The following KCNMA1 variants were observed in gnomAD, a reference collection of about 807,000 sequenced individuals.
KCNMA1 encodes the protein potassium calcium-activated channel subfamily M alpha 1.
A neutral mutation model predicts 140.0 loss-of-function variants in KCNMA1; 29 were observed. The ratio of observed to expected loss-of-function variants is 0.21; its 90% CI spans 0.15 to 0.28. The LOEUF is 0.28. Among genes scored for constraint, KCNMA1 ranks in the 10% least tolerant of loss-of-function variants. KCNMA1 has a pLI of 1.00. For missense variants in KCNMA1, 880 were observed against 1,602.2 expected (o/e 0.55, Z 7.70); for synonymous variants, 612 against 611.9 (o/e 1.00, Z 0.00).
chr10:77,025,242 G>GTATATATA (rs1183311699), intron 16 of KCNMA1, among the ~76,000 whole-genome samples: 144 of 42,480 alleles, frequency 3.4e-3, no homozygotes, highest in East Asian at 0.014. Context: ...GGGTGTGTGT[G>GTATATATA]TATATATATA....
At chr10:77,022,702 TA>T (rs1349896254) in intron 16 of KCNMA1, among the ~76,000 whole-genome samples, 5 of 152,176 alleles carry the variant, frequency 3.3e-5, no homozygotes, top group Admixed American at 1.3e-4. Flanking sequence ...GTTGAATGAA[TA>T]AAAAAAATAA....
chr10:77,418,294 C>T (rs2154481997), intron 1 of KCNMA1, among the ~76,000 whole-genome samples: 1 of 152,272 alleles, frequency 6.6e-6, no homozygotes, highest in Non-Finnish European at 1.5e-5. Flanking sequence ...CCGCTAGACC[C>T]ATCAATCTTC....
chr10:77,471,444 T>G (rs1169772068), intron 1 of KCNMA1, among the ~76,000 whole-genome samples: 2 of 146,892 alleles, frequency 1.4e-5, no homozygotes, highest in African/African-American at 5.1e-5. Context: ...CAACTCACAC[T>G]ACACACACAC....
intron 5 of KCNMA1, among the ~76,000 whole-genome samples, chr10:77,123,978 C>T (rs2097681935): frequency 1.3e-5 from 2 of 152,122 alleles, no homozygotes; most frequent in Admixed American, 1.3e-4. Flanking sequence ...TGGAACCAAG[C>T]AGGACAGCAT....
At chr10:77,162,890 G>A (rs1012973750) in intron 5 of KCNMA1, among the ~76,000 whole-genome samples, 1 of 152,080 alleles carries the variant, frequency 6.6e-6, no homozygotes, top group African/African-American at 2.4e-5. Flanking sequence ...CAGACTGCGG[G>A]GTTCATATTT....
chr10:77,630,382 A>G lies in KCNMA1; in HGVS notation c.378+6883T>C, dbSNP rs183157110. ...GGAAGAGCCCACACATTGGTGGGTA[A>G]CACACAGACCACACCCTGTAAACAC... On this transcript the variant is annotated intron_variant, in intron 1 of 27. Coordinates refer to ENST00000286628, the MANE Select transcript of KCNMA1 (RefSeq NM_001161352.2). 7.9e-5 allele frequency among the ~76,000 whole-genome samples: 12 copies of G among 152,292 alleles called. No individual in the cohort carries two copies. In the East Asian group the frequency reaches 2.1e-3, roughly 27 times the overall value.
chr10:76,914,160 G>C (rs557149269), intron 24 of KCNMA1: 10 of 1,522,562 alleles, frequency 6.6e-6, no homozygotes, highest in South Asian at 1.2e-5. Flanking sequence ...AGCATTTAAG[G>C]GTTGGGGAAA....
intron 1 of KCNMA1, among the ~76,000 whole-genome samples, chr10:77,552,432 A>C (rs1274999278): frequency 6.6e-6 from 1 of 152,200 alleles, no homozygotes; most frequent in Non-Finnish European, 1.5e-5. Flanking sequence ...GATGTAGGGA[A>C]GACTAAAAGG....
intron 2 of KCNMA1, among the ~76,000 whole-genome samples, chr10:77,318,215 T>C (rs1044371305): frequency 6.6e-6 from 1 of 152,240 alleles, no homozygotes; most frequent in African/African-American, 2.4e-5. Flanking sequence ...AAGTGCTTTC[T>C]ATGTGACTGA....
chr10:76,961,184 G>A (rs933412001), intron 20 of KCNMA1, among the ~76,000 whole-genome samples: 5 of 151,178 alleles, frequency 3.3e-5, no homozygotes, highest in Non-Finnish European at 5.9e-5. Context: ...GTGATTCATG[G>A]GAGGAGGTGA....
intron 2 of KCNMA1, among the ~76,000 whole-genome samples, chr10:77,382,883 A>ATAT (rs1404259406): frequency 1.7e-4 from 19 of 114,600 alleles, no homozygotes; most frequent in African/African-American, 5.7e-4. Flanking sequence ...AAAAAAAAAA[A>ATAT]AAATATATAT....
chr10:77,110,415 A>G lies in KCNMA1; in HGVS notation c.961-72T>C, dbSNP rs2097292885. 19 of 1,345,896 alleles carry G rather than the reference A, an allele frequency of 1.4e-5. No individual in the cohort carries two copies. In the South Asian group the frequency reaches 2.2e-4, roughly 16 times the overall value. 83.4% of individuals were successfully genotyped at this position (1,345,896 alleles called of 1,614,324 possible). ...AGTGTATACATGCAATAAACGCGGA[A>G]GCTCGGCACTCTCGAAGGCCACTTG... On this transcript the variant is annotated intron_variant, in intron 7 of 27. Transcript: ENST00000286628.
intron 1 of KCNMA1, among the ~76,000 whole-genome samples, chr10:77,483,427 G>A (rs1216243311): frequency 6.6e-6 from 1 of 152,176 alleles, no homozygotes; most frequent in Non-Finnish European, 1.5e-5. Flanking sequence ...CTTCATCCAT[G>A]TGGGGCTCAT....
At chr10:77,111,408 T>C (rs571023496) in intron 7 of KCNMA1, among the ~76,000 whole-genome samples, 1 of 152,242 alleles carries the variant, frequency 6.6e-6, no homozygotes, top group Admixed American at 6.5e-5. Flanking sequence ...ACTTCACTAA[T>C]ACCCGTAGTA....
At chr10:76,884,667 C>T (rs1244532725), downstream of KCNMA1, 1 of 248,940 alleles carries the variant, frequency 4.0e-6, no homozygotes, top group Non-Finnish European at 7.6e-6. Context: ...CCCAACCCCA[C>T]ACCCAAGAAC....
At chr10:77,176,595 C>T (rs2098753270) in intron 5 of KCNMA1, among the ~76,000 whole-genome samples, 1 of 152,108 alleles carries the variant, frequency 6.6e-6, no homozygotes, top group Non-Finnish European at 1.5e-5. Flanking sequence ...GTGAATGACC[C>T]CTGGAGCAAA....
intron 14 of KCNMA1, among the ~76,000 whole-genome samples, chr10:77,070,954 G>T (rs1225819850): frequency 2.0e-5 from 3 of 152,182 alleles, no homozygotes; most frequent in Non-Finnish European, 4.4e-5. Context: ...GACCATCTCA[G>T]TGTCAAAAGG....
At chr10:77,539,383 G>C (rs749896101) in intron 1 of KCNMA1, among the ~76,000 whole-genome samples, 3 of 152,196 alleles carry the variant, frequency 2.0e-5, no homozygotes, top group Non-Finnish European at 4.4e-5. Context: ...TGCAATTCTA[G>C]TTTTACAGGT....
chr10:77,497,557 C>T (rs758190977), intron 1 of KCNMA1, among the ~76,000 whole-genome samples: 3 of 152,210 alleles, frequency 2.0e-5, no homozygotes, highest in Non-Finnish European at 4.4e-5. Flanking sequence ...TGTCCCCAAA[C>T]TAAGACTGTG....
Sources: gnomAD v4.1 joint callset for allele counts (sites outside exome capture counted in the v4.1 genomes callset) on GRCh38, gnomAD v4.1.1 for gene constraint, MANE v1.5 for transcripts, NCBI Gene and HGNC (gene_info 2026-07-23, HGNC 2026-07-21) for gene names.